Variants in SPRED1 observed in about 807,000 individuals in gnomAD.
The protein encoded by SPRED1 is sprouty related EVH1 domain containing 1, also known as sprouty-related, EVH1 domain-containing protein 1.
SPRED1 carries 18 observed loss-of-function variants against 52.3 expected under a neutral mutation model. That is an observed-to-expected ratio of 0.34 (90% CI 0.24 to 0.51). The LOEUF is 0.51. Ranked by LOEUF, SPRED1 falls within the 20% of genes least tolerant of loss-of-function variation. The pLI is 0.97. For missense variants in SPRED1, 485 were observed against 551.0 expected (o/e 0.88, Z 1.20); for synonymous variants, 155 against 179.7 (o/e 0.86, Z 1.10).
chr15:38,256,826 T>C (rs919039840), intron 1 of SPRED1, among the ~76,000 whole-genome samples: 25 of 152,034 alleles, frequency 1.6e-4, no homozygotes, highest in African/African-American at 3.6e-4. Context: ...CACACACATA[T>C]ATATATATAT....
At chr15:38,283,299 C>T (rs979347639) in intron 1 of SPRED1, among the ~76,000 whole-genome samples, 2 of 152,100 alleles carry the variant, frequency 1.3e-5, no homozygotes, top group African/African-American at 2.4e-5. Flanking sequence ...GGGAAACCAC[C>T]CCCATCATCC....
chr15:38,253,175 G>T lies in SPRED1; in HGVS notation c.-11G>T. 1 of 1,578,012 alleles carries T rather than the reference G, an allele frequency of 6.3e-7. No homozygotes were observed. The highest frequency in any genetic ancestry group is 1.8e-5 in the Admixed American group (1 of 55,458). ...TCCTCCATCTCCAGATCGGATCACGGTGAGGGAAAGATGAGCGAGGAGACG... is the reference window on the plus strand; with the variant it reads ...TCCTCCATCTCCAGATCGGATCACGTTGAGGGAAAGATGAGCGAGGAGACG... On this transcript the variant is annotated 5_prime_UTR_variant, in exon 1 of 7. Coordinates refer to ENST00000299084, the MANE Select transcript of SPRED1 (RefSeq NM_152594.3).
intron 5 of SPRED1, among the ~76,000 whole-genome samples, chr15:38,344,934 T>C (rs887387044): frequency 6.6e-6 from 1 of 152,196 alleles, no homozygotes; most frequent in Non-Finnish European, 1.5e-5. Context: ...TAACAGGAAT[T>C]AGAATGGAAT....
At chr15:38,274,174 T>G (rs1894497195) in intron 1 of SPRED1, among the ~76,000 whole-genome samples, 1 of 152,162 alleles carries the variant, frequency 6.6e-6, no homozygotes, top group African/African-American at 2.4e-5. Context: ...CAGACTACAT[T>G]TTTAGAAAAA....
chr15:38,310,153 G>GTGTT (rs373463622), intron 2 of SPRED1, among the ~76,000 whole-genome samples: 2,332 of 132,222 alleles, frequency 0.018, 56 homozygotes, highest in South Asian at 0.065. Flanking sequence ...GTGTGTGTGT[G>GTGTT]TTTGGAGACG....
intron 2 of SPRED1, among the ~76,000 whole-genome samples, chr15:38,302,585 C>A (rs924975992): frequency 5.3e-5 from 8 of 151,958 alleles, no homozygotes; most frequent in Non-Finnish European, 1.2e-4. Context: ...GAGTTTATTT[C>A]CTGGATTATC....
At position 38,253,227 on chromosome 15, in the gene SPRED1, T is replaced by C. The variant is rs772429705; in HGVS notation, c.32+10T>C. 1 of 1,570,826 alleles carries C rather than the reference T, an allele frequency of 6.4e-7. No individual in the cohort carries two copies. Among genetic ancestry groups the C allele is most frequent in the Non-Finnish European group, 8.6e-7 (1 of 1,156,774 alleles). On this transcript the variant is annotated intron_variant, in intron 1 of 6. Transcript: ENST00000299084. ...CGACTTCTGACAACGAGTAAGCGCC[T>C]CATTGATCTCGATTGCTAATCCCCC...
intron 1 of SPRED1, among the ~76,000 whole-genome samples, chr15:38,258,649 A>G (rs993016936): frequency 2.6e-5 from 4 of 152,102 alleles, no homozygotes; most frequent in Non-Finnish European, 5.9e-5. Flanking sequence ...AGTTGTCTGA[A>G]TTTTTCTTTG....
chr15:38,267,892 G>A (rs1272606963), intron 1 of SPRED1, among the ~76,000 whole-genome samples: 2 of 152,078 alleles, frequency 1.3e-5, no homozygotes, highest in African/African-American at 4.8e-5. Flanking sequence ...GTACATACAC[G>A]CACGTATGCC....
intron 2 of SPRED1, among the ~76,000 whole-genome samples, chr15:38,308,092 T>G (rs971615357): frequency 3.4e-4 from 52 of 152,214 alleles, no homozygotes; most frequent in African/African-American, 1.2e-3. Context: ...TCCTTTACCA[T>G]GATAAGGAAG....
chr15:38,311,305 G>T (rs1211404720), intron 2 of SPRED1, among the ~76,000 whole-genome samples: 2 of 152,116 alleles, frequency 1.3e-5, no homozygotes, highest in Non-Finnish European at 2.9e-5. Flanking sequence ...TTGATACGTT[G>T]TTGGACTTGG....
intron 1 of SPRED1, 74 bp downstream of exon 1, chr15:38,253,291 G>A: frequency 6.9e-7 from 1 of 1,440,478 alleles, no homozygotes; most frequent in Non-Finnish European, 9.6e-7. Context: ...AGACCCATCC[G>A]AAACTTGGGT....
At chr15:38,314,998 A>G (rs912795525) in intron 2 of SPRED1, among the ~76,000 whole-genome samples, 1 of 151,912 alleles carries the variant, frequency 6.6e-6, no homozygotes, top group Non-Finnish European at 1.5e-5. Context: ...TGTTAAACAC[A>G]AATTTATATT....
chr15:38,327,309 T>G (rs557639060), intron 4 of SPRED1, among the ~76,000 whole-genome samples: 13 of 152,280 alleles, frequency 8.5e-5, no homozygotes, highest in African/African-American at 2.9e-4. Context: ...CAGTGAAGTA[T>G]GGTCGTTTTA....
At chr15:38,338,719 C>A (rs950144085) in intron 4 of SPRED1, among the ~76,000 whole-genome samples, 16 of 152,036 alleles carry the variant, frequency 1.1e-4, no homozygotes, top group Admixed American at 2.0e-4. Context: ...ATCGGTATTA[C>A]AATTATTTTC....
intron 1 of SPRED1, among the ~76,000 whole-genome samples, chr15:38,256,560 G>A (rs780227011): frequency 3.9e-5 from 6 of 152,124 alleles, no homozygotes; most frequent in Non-Finnish European, 7.4e-5. Flanking sequence ...TCCTGTGTCA[G>A]TATTAGGCTT....
chr15:38,322,863 A>G (rs1489748377), intron 3 of SPRED1, among the ~76,000 whole-genome samples: 1 of 152,150 alleles, frequency 6.6e-6, no homozygotes, highest in African/African-American at 2.4e-5. Context: ...GATTGATTTC[A>G]TTATTGAGGA....
intron 2 of SPRED1, among the ~76,000 whole-genome samples, chr15:38,318,576 ACCTCCCT>A (rs1408155799): frequency 1.3e-5 from 2 of 151,800 alleles, no homozygotes; most frequent in Non-Finnish European, 2.9e-5. Context: ...TTGAACTCTT[ACCTCCCT>A]CCTTCTCTTT....
chr15:38,344,366 TGAAA>T (rs1409545658), intron 5 of SPRED1, among the ~76,000 whole-genome samples: 1 of 152,190 alleles, frequency 6.6e-6, no homozygotes, highest in African/African-American at 2.4e-5. Context: ...CTTCTTTGGC[TGAAA>T]GAACTGTAAA....
Sources: allele counts gnomAD v4.1 joint callset (sites outside exome capture counted in the v4.1 genomes callset), GRCh38; gene constraint gnomAD v4.1.1; transcripts MANE v1.5; gene names NCBI Gene and HGNC (gene_info 2026-07-23, HGNC 2026-07-21).